The following ATP2C1 variants were observed in gnomAD, a reference collection of about 807,000 sequenced individuals.
ATP2C1 encodes calcium-transporting ATPase type 2C member 1.
ATP2C1 carries 31 observed loss-of-function variants against 120.5 expected under a neutral mutation model. The ratio of observed to expected loss-of-function variants is 0.26; its 90% CI spans 0.19 to 0.35. ATP2C1 has a LOEUF of 0.35. Ranked by LOEUF, ATP2C1 falls within the 10% of genes least tolerant of loss-of-function variation. The pLI, the probability that ATP2C1 is intolerant of heterozygous loss-of-function variation, is 1.00. For synonymous variants in ATP2C1, 351 were observed against 358.7 expected (o/e 0.98, Z 0.24); for missense variants, 731 against 1,107.5 (o/e 0.66, Z 4.83).
At chr3:130,989,204 G>A (rs1237900366) in intron 20 of ATP2C1, among the ~76,000 whole-genome samples, 2 of 141,648 alleles carry the variant, frequency 1.4e-5, no homozygotes, top group East Asian at 2.2e-4. Context: ...CCGAGATTGC[G>A]CCACTGCACT....
Position 130,894,331 on chromosome 3 carries a change from G to C in ATP2C1, c.-187G>C, listed in dbSNP as rs1278703649. The C allele has an allele frequency of 1.0e-6, 1 of 998,426 alleles. No homozygotes were observed. The highest frequency in any genetic ancestry group is 1.2e-6 in the Non-Finnish European group (1 of 836,994). The allele number at this position is 998,426 out of a possible 1,614,324, so 61.8% of individuals were successfully genotyped here. A position where few individuals can be genotyped will look rare whatever the true frequency, so the allele number is the denominator to read the frequency against. ...GCAGCCTGGAGGAGGGCTGTCCGGG[G>C]CTTTGGGTGGGTACCAGTATTACCT... On this transcript the variant is annotated 5_prime_UTR_variant, in exon 1 of 28. Coordinates refer to ENST00000510168, the MANE Select transcript of ATP2C1 (RefSeq NM_001378687.1). The surrounding 1 kb of genome is among the most constrained non-coding windows in gnomAD (Gnocchi z 4.5).
At chr3:130,986,864 ATTAGTTTAGT>A (rs1230278748) in intron 20 of ATP2C1, among the ~76,000 whole-genome samples, 3,486 of 137,352 alleles carry the variant, frequency 0.025, 56 homozygotes, top group East Asian at 0.06. Flanking sequence ...CAGCTTTTTG[ATTAGTTTAGT>A]TTAGTTTAGT....
In ATP2C1 at chr3:130,965,036, G is replaced by T; in HGVS notation, c.1113G>T (p.Leu371=). ...CTCACATATTTACTTCAGATGGTCT[G>T]CATGCTGAGGTACTCTATAGGTTTT... The part of the protein sequence containing the change: ...TVTHIFTSDG[L]HAEVTGVGYN... The change falls in exon 14 of 28, where the codon CTG becomes CTT. Residue 371 remains leucine (L), a synonymous_variant. Transcript: ENST00000510168. The T allele has an allele frequency of 1.2e-6, 2 of 1,606,246 alleles. No homozygotes were observed. The highest frequency in any genetic ancestry group is 1.7e-6 in the Non-Finnish European group (2 of 1,173,504).
chr3:130,889,638 CTTTTTTT>C (rs1170424148), upstream of ATP2C1, among the ~76,000 whole-genome samples: 147 of 77,644 alleles, frequency 1.9e-3, 1 homozygote, highest in African/African-American at 4.2e-3. Context: ...ATTCTTTAAA[CTTTTTTT>C]TTTTTTTTTT....
At chr3:130,930,820 G>A (rs1156234831) in intron 3 of ATP2C1, among the ~76,000 whole-genome samples, 2 of 152,142 alleles carry the variant, frequency 1.3e-5, no homozygotes, top group African/African-American at 4.8e-5. Flanking sequence ...TACCTGATTG[G>A]ACAGTGCAGC....
intron 26 of ATP2C1, among the ~76,000 whole-genome samples, chr3:131,012,363 TTCTCCCGCCTCAGCCTCCTGAGTAGC>T (rs1463881268): frequency 9.3e-5 from 14 of 150,698 alleles, no homozygotes; most frequent in African/African-American, 3.4e-4. Context: ...GTTCAAGCAG[TTCTCCCGCCTCAGCCTCCTGAGTAGC>T]TGGGACTACA....
At chr3:130,912,129 G>A (rs1265762619) in intron 2 of ATP2C1, among the ~76,000 whole-genome samples, 7 of 112,906 alleles carry the variant, frequency 6.2e-5, no homozygotes, top group Non-Finnish European at 1.1e-4. Flanking sequence ...TTAAACGTTA[G>A]ACCTAAAACC....
At chr3:130,871,593 C>T (rs185133712) in intron 1 of ATP2C1, among the ~76,000 whole-genome samples, 19 of 152,318 alleles carry the variant, frequency 1.2e-4, no homozygotes, top group Non-Finnish European at 2.5e-4. Flanking sequence ...TCAAGAATAG[C>T]ATGTATGCTG....
Position 130,959,331 on chromosome 3 carries a change from A to G in ATP2C1, c.889A>G (p.Ile297Val), listed in dbSNP as rs1282102782. ...AAAAGATATCCTGGAAATGTTTACT[A>G]TTAGTGTAAGGTAAGTCTCAATACT... Reference protein sequence around the residue: ...LGKDILEMFTISVSLAVAAIP... With the variant: ...LGKDILEMFTVSVSLAVAAIP... The change falls in exon 12 of 28, where the codon ATT becomes GTT. Residue 297 changes from isoleucine (I) to valine (V), a missense_variant. Around this residue, in one of 3 missense-constraint regions of ATP2C1, gnomAD observed 571 missense variants for 845.9 expected, o/e 0.67. Transcript: ENST00000510168. 2.5e-6 allele frequency: 4 copies of G among 1,605,286 alleles called. No individual in the cohort carries two copies. Among genetic ancestry groups the G allele is most frequent in the South Asian group, 1.1e-5 (1 of 90,880 alleles).
upstream of ATP2C1, among the ~76,000 whole-genome samples, chr3:130,890,038 T>C (rs1416513824): frequency 6.6e-6 from 1 of 152,212 alleles, no homozygotes; most frequent in Non-Finnish European, 1.5e-5. Flanking sequence ...AGTAGATTGT[T>C]ATTCATTCAA....
chr3:130,948,462 T>G (rs2060239013), intron 8 of ATP2C1, among the ~76,000 whole-genome samples: 1 of 152,178 alleles, frequency 6.6e-6, no homozygotes, highest in African/African-American at 2.4e-5. Context: ...TGTGGCTGTT[T>G]TCAAGATTCT....
At chr3:130,891,893 C>A (rs1186282376), upstream of ATP2C1, among the ~76,000 whole-genome samples, 1 of 151,990 alleles carries the variant, frequency 6.6e-6, no homozygotes, top group African/African-American at 2.4e-5. Flanking sequence ...GTTCCAGAAC[C>A]CCCTCAGACA....
At chr3:130,898,456 G>A (rs1222141190) in intron 2 of ATP2C1, among the ~76,000 whole-genome samples, 1 of 152,074 alleles carries the variant, frequency 6.6e-6, no homozygotes, top group African/African-American at 2.4e-5. Flanking sequence ...AGGAAACCAG[G>A]TTATAAAAAT....
chr3:130,938,687 C>T (rs188868862), intron 6 of ATP2C1, among the ~76,000 whole-genome samples: 14 of 152,314 alleles, frequency 9.2e-5, no homozygotes, highest in Admixed American at 2.6e-4. Context: ...TCATGTCAGG[C>T]TAACCATTAT....
chr3:130,934,697 G>A lies in ATP2C1; in HGVS notation c.310G>A (p.Val104Ile), dbSNP rs776285179. Residue 104 changes from valine (V) to isoleucine (I), a missense_variant, in exon 5 of 28, where the codon GTC (valine) becomes ATC (isoleucine). Around this residue, in one of 3 missense-constraint regions of ATP2C1, gnomAD observed 571 missense variants for 845.9 expected, o/e 0.67. Transcript: ENST00000510168. ...SVLMHQFDDA[V>I]SITVAILIVV... The stretch of plus-strand genomic sequence containing the variant: ...TTTAATGCATCAGTTTGATGATGCC[G>A]TCAGTATCACTGTGGTAAGAAAAAA... 120 of 1,604,840 alleles carry A rather than the reference G, an allele frequency of 7.5e-5. No homozygotes were observed. The highest frequency in any genetic ancestry group is 9.6e-5 in the Non-Finnish European group (112 of 1,171,906).
downstream of ATP2C1, among the ~76,000 whole-genome samples, chr3:131,006,174 C>T (rs142110266): frequency 2.2e-3 from 339 of 152,220 alleles, 1 homozygote; most frequent in African/African-American, 7.8e-3. Flanking sequence ...TGCAGTGGTG[C>T]GATCTTGGCT....
chr3:130,999,343 T>A (rs2062782128), intron 26 of ATP2C1, among the ~76,000 whole-genome samples, 175 bp from the exon 27 acceptor site: 2 of 152,218 alleles, frequency 1.3e-5, no homozygotes, highest in Admixed American at 1.3e-4. Flanking sequence ...ATATTTACTT[T>A]TATTCCATCT....
chr3:131,007,056 A>G (rs2063144332), downstream of ATP2C1, among the ~76,000 whole-genome samples: 1 of 152,168 alleles, frequency 6.6e-6, no homozygotes, highest in Non-Finnish European at 1.5e-5. Flanking sequence ...TAAAAATTTA[A>G]GTTGAAAACA....
intron 1 of ATP2C1, among the ~76,000 whole-genome samples, chr3:130,888,470 A>C (rs1374373530): frequency 6.6e-6 from 1 of 152,234 alleles, no homozygotes; most frequent in Non-Finnish European, 1.5e-5. Flanking sequence ...ACTTTGGCCT[A>C]TGGTGGTGAG....
Sources: allele counts gnomAD v4.1 joint callset (sites outside exome capture counted in the v4.1 genomes callset), GRCh38; gene constraint gnomAD v4.1.1; regional missense constraint gnomAD v4.1.1; non-coding constraint Gnocchi (gnomAD v3.1); transcripts MANE v1.5; gene names NCBI Gene and HGNC (gene_info 2026-07-23, HGNC 2026-07-21).